The following DPYS variants were observed in gnomAD, a reference collection of about 807,000 sequenced individuals.
DPYS encodes dihydropyrimidinase.
A neutral mutation model predicts 50.3 loss-of-function variants in DPYS; 39 were observed. The observed-to-expected ratio is 0.78, with a 90% CI of 0.60 to 1.01. The LOEUF is 1.01. Ranked by LOEUF, DPYS falls within the 50% of genes least tolerant of loss-of-function variation. The pLI is 0.00. For missense variants in DPYS, 659 were observed against 680.9 expected (o/e 0.97, Z 0.36); for synonymous variants, 245 against 250.7 (o/e 0.98, Z 0.22).
Position 104,451,235 on chromosome 8 carries a change from A to G in DPYS, c.423+11T>C. On this transcript the variant is annotated intron_variant, in intron 2 of 9. Coordinates refer to ENST00000351513, the MANE Select transcript of DPYS (RefSeq NM_001385.3). ...GGACAATGGGAACACATTGAAATCC[A>G]GGTGCTTTACCTGGTCACTCCACCA... 6.2e-7 allele frequency: 1 copy of G among 1,613,660 alleles called. No individual in the cohort carries two copies. Among genetic ancestry groups the G allele is most frequent in the South Asian group, 1.1e-5 (1 of 91,058 alleles).
intron 1 of DPYS, among the ~76,000 whole-genome samples, chr8:104,459,976 T>TA (rs1305348869): frequency 6.6e-6 from 1 of 152,218 alleles, no homozygotes; most frequent in Non-Finnish European, 1.5e-5. Context: ...AGATGGTGTA[T>TA]AACCCCCCAA....
intron 8 of DPYS, among the ~76,000 whole-genome samples, chr8:104,392,133 G>T (rs2140519251): frequency 6.6e-6 from 1 of 152,272 alleles, no homozygotes; most frequent in South Asian, 2.1e-4. Flanking sequence ...TGACCTTGCA[G>T]ATCTTCAACT....
chr8:104,398,487 C>A (rs1811663161), intron 7 of DPYS, among the ~76,000 whole-genome samples: 1 of 152,258 alleles, frequency 6.6e-6, no homozygotes, highest in Non-Finnish European at 1.5e-5. Flanking sequence ...TCCTTTGATA[C>A]ATTCCCTTTT....
chr8:104,430,284 T>C (rs1812909050), intron 4 of DPYS, among the ~76,000 whole-genome samples: 1 of 151,428 alleles, frequency 6.6e-6, no homozygotes, highest in Non-Finnish European at 1.5e-5. Flanking sequence ...TCAAAAAACG[T>C]GTATTAAATG....
Position 104,381,298 on chromosome 8 carries a change from G to A in DPYS, c.1460C>T (p.Pro487Leu). The change falls in exon 9 of 10, where the codon CCT (proline) becomes CTT (leucine). Residue 487 changes from proline to leucine, a missense_variant. Transcript: ENST00000351513. ...KQRDRTCTPT[P>L]VERAPYKGEV... is the part of the protein sequence containing the mutation. ...TCCCTTATAGGGTGCACGCTCCACAGGGGTAGGTGTGCAAGTCTGAAAGAG... is the reference window on the plus strand; with the variant it reads ...TCCCTTATAGGGTGCACGCTCCACAAGGGTAGGTGTGCAAGTCTGAAAGAG... The A allele has an allele frequency of 6.2e-7, 1 of 1,614,082 alleles. No homozygotes were observed. The highest frequency in any genetic ancestry group is 8.5e-7 in the Non-Finnish European group (1 of 1,179,958).
chr8:104,407,392 A>T (rs1411557996), intron 7 of DPYS, among the ~76,000 whole-genome samples: 1 of 152,242 alleles, frequency 6.6e-6, no homozygotes, highest in African/African-American at 2.4e-5. Context: ...AGGAAAACAT[A>T]ACAGGAGGTA....
intron 1 of DPYS, among the ~76,000 whole-genome samples, chr8:104,454,949 GT>G (rs1334484393): frequency 1.4e-4 from 22 of 152,124 alleles, no homozygotes; most frequent in African/African-American, 5.1e-4. Context: ...CTATTCCAAT[GT>G]TTTGCATATT....
At chr8:104,419,189 G>GT in intron 7 of DPYS, 1 of 414,058 alleles carries the variant, frequency 2.4e-6, no homozygotes, top group Non-Finnish European at 3.2e-6. Flanking sequence ...ATCACATGCA[G>GT]TAAGTAAAAA....
In DPYS at chr8:104,467,049, C is replaced by T; in HGVS notation, c.-129G>A. 1 of 1,188,274 alleles carries T rather than the reference C, an allele frequency of 8.4e-7. No individual in the cohort carries two copies. Among genetic ancestry groups the T allele is most frequent in the Non-Finnish European group, 1.1e-6 (1 of 912,226 alleles). The allele number at this position is 1,188,274 out of a possible 1,614,324, so 73.6% of individuals were successfully genotyped here. On this transcript the variant is annotated 5_prime_UTR_variant, in exon 1 of 10. Coordinates refer to ENST00000351513, the MANE Select transcript of DPYS (RefSeq NM_001385.3). Reference sequence around the variant, plus strand: ...AGCCCCCGAGCTCTGCCTCAGGCTGCAAATCCGGAGCCCGGCGGCCTGACG... The same window carrying T: ...AGCCCCCGAGCTCTGCCTCAGGCTGTAAATCCGGAGCCCGGCGGCCTGACG...
intron 9 of DPYS, chr8:104,380,792 C>T (rs76386295): frequency 4.8e-4 from 85 of 176,496 alleles, no homozygotes; most frequent in African/African-American, 1.9e-3. Context: ...TTTAGAACAC[C>T]GTTGTATTTA....
chr8:104,393,848 T>C (rs917788190), intron 7 of DPYS, among the ~76,000 whole-genome samples: 3 of 152,212 alleles, frequency 2.0e-5, no homozygotes, highest in Admixed American at 6.5e-5. Flanking sequence ...ACAGGTGGTA[T>C]TTGGTTACGT....
intron 7 of DPYS, among the ~76,000 whole-genome samples, chr8:104,416,748 T>C (rs1812383609): frequency 6.6e-6 from 1 of 152,076 alleles, no homozygotes; most frequent in African/African-American, 2.4e-5. Flanking sequence ...AATGTGCAAC[T>C]TCAAGGGAAA....
rs542595354 is a variant in DPYS, at chr8:104,451,233, C to G, written c.423+13G>C. 2 of 1,613,534 alleles carry G rather than the reference C, an allele frequency of 1.2e-6. No individual in the cohort carries two copies. The highest frequency in any genetic ancestry group is 1.3e-5 in the African/African-American group (1 of 75,024). On this transcript the variant is annotated intron_variant, in intron 2 of 9. Transcript: ENST00000351513. ...GAGGACAATGGGAACACATTGAAAT[C>G]CAGGTGCTTTACCTGGTCACTCCAC...
chr8:104,455,073 T>G (rs555473879), intron 1 of DPYS, among the ~76,000 whole-genome samples: 10 of 152,312 alleles, frequency 6.6e-5, no homozygotes, highest in African/African-American at 2.4e-4. Context: ...CAAACCACCA[T>G]GGCACATGTA....
At chr8:104,416,449 C>G (rs900783415) in intron 7 of DPYS, among the ~76,000 whole-genome samples, 1 of 152,234 alleles carries the variant, frequency 6.6e-6, no homozygotes, top group Non-Finnish European at 1.5e-5. Context: ...CAAGACATCA[C>G]AGTGACAAAT....
chr8:104,447,593 A>G, intron 2 of DPYS, 90 bp from the exon 3 acceptor site: 1 of 1,450,116 alleles, frequency 6.9e-7, no homozygotes, highest in Non-Finnish European at 9.6e-7. Context: ...TTCGGAAGAG[A>G]ACTAAGTAAA....
intron 2 of DPYS, among the ~76,000 whole-genome samples, chr8:104,450,695 T>C (rs1259915751): frequency 1.3e-5 from 2 of 152,256 alleles, no homozygotes; most frequent in South Asian, 2.1e-4. Flanking sequence ...ATTAGCAGAG[T>C]AGGAAGATCA....
intron 7 of DPYS, among the ~76,000 whole-genome samples, chr8:104,395,475 C>G (rs182841408): frequency 1.4e-3 from 219 of 152,318 alleles, no homozygotes; most frequent in Non-Finnish European, 1.5e-3. Context: ...CGCCCTCCCC[C>G]AATCCCTAAC....
intron 4 of DPYS, among the ~76,000 whole-genome samples, chr8:104,440,575 G>C (rs1339969835): frequency 6.6e-6 from 1 of 152,040 alleles, no homozygotes; most frequent in African/African-American, 2.4e-5. Flanking sequence ...TGGCCAACAT[G>C]GTGAAACCCT....
Sources: allele counts gnomAD v4.1 joint callset (sites outside exome capture counted in the v4.1 genomes callset), GRCh38; gene constraint gnomAD v4.1.1; transcripts MANE v1.5; gene names NCBI Gene and HGNC (gene_info 2026-07-23, HGNC 2026-07-21).